The following MRPS11 variants were observed in gnomAD, a reference collection of about 807,000 sequenced individuals.
The protein encoded by MRPS11 is small ribosomal subunit protein uS11m.
Under a neutral mutation model 24.3 loss-of-function variants are expected in MRPS11, and 27 were observed. The observed-to-expected ratio is 1.11, with a 90% CI of 0.82 to 1.53. The LOEUF is 1.53. Ranked by LOEUF, MRPS11 falls within the 40% of genes most tolerant of loss-of-function variation. The pLI is 0.00. For missense variants in MRPS11, 277 were observed against 256.5 expected, an observed-to-expected ratio of 1.08 and a Z score of -0.55; for synonymous variants, 104 against 98.7, an observed-to-expected ratio of 1.05 and a Z score of -0.32.
At chr15:88,471,005 T>G (rs1211097706) in intron 2 of MRPS11, among the ~76,000 whole-genome samples, 1 of 152,180 alleles carries the variant, frequency 6.6e-6, no homozygotes, top group East Asian at 1.9e-4. Context: ...ACAGTGTCCT[T>G]CAGGGGCTAA....
rs781635088 is a variant in MRPS11 at position 88,467,710 on chromosome 15, T to C, written c.-8T>C. 1.9e-6 allele frequency: 3 copies of C among 1,614,078 alleles called. No homozygotes were observed. The highest frequency in any genetic ancestry group is 1.6e-4 in the Middle Eastern group (1 of 6,062). ...GCAGACGGAAACTGACTGGGGTCAA[T>C]TCAAGTCATGCAGGCTGTGAGAAAC... On this transcript the variant is annotated 5_prime_UTR_variant, in exon 1 of 6. Transcript: ENST00000325844.
chr15:88,473,474 G>T (rs573932272), intron 3 of MRPS11, among the ~76,000 whole-genome samples: 4 of 152,276 alleles, frequency 2.6e-5, no homozygotes, highest in East Asian at 1.9e-4. Flanking sequence ...AATGCTATAG[G>T]ATTCATTTCA....
At chr15:88,474,376 A>G (rs533479971) in intron 3 of MRPS11, among the ~76,000 whole-genome samples, 2 of 152,084 alleles carry the variant, frequency 1.3e-5, no homozygotes, top group African/African-American at 4.8e-5. Context: ...CCTGCCCAAC[A>G]TGGAGAAACC....
At chr15:88,476,045 A>G (rs1323530334) in intron 4 of MRPS11, among the ~76,000 whole-genome samples, 1 of 152,228 alleles carries the variant, frequency 6.6e-6, no homozygotes, top group Non-Finnish European at 1.5e-5. Context: ...GTGGGGACTC[A>G]TGCAATAGCA....
Position 88,477,775 on chromosome 15 carries a change from C to G in MRPS11, c.478-97C>G. The stretch of plus-strand genomic sequence containing the variant: ...GAGCATCTCACCCCTCCGTTCCCTT[C>G]TCTACGCCACCCTGTCCCTCTCCGA... On this transcript the variant is annotated intron_variant, in intron 5 of 5. Coordinates refer to ENST00000325844, the MANE Select transcript of MRPS11 (RefSeq NM_022839.5). The surrounding 1 kb of genome is among the most constrained non-coding windows in gnomAD (Gnocchi z 5.7). The G allele has an allele frequency of 1.9e-6, 2 of 1,034,742 alleles. No homozygotes were observed. Among genetic ancestry groups the G allele is most frequent in the Non-Finnish European group, 3.0e-6 (2 of 676,196 alleles). 64.1% of individuals were successfully genotyped at this position (1,034,742 alleles called of 1,614,324 possible).
In MRPS11 at chr15:88,472,665, G is replaced by C; in HGVS notation, c.221G>C (p.Arg74Thr). The C allele has an allele frequency of 6.2e-7, 1 of 1,614,098 alleles. No individual in the cohort carries two copies. Among genetic ancestry groups the C allele is most frequent in the Non-Finnish European group, 8.5e-7 (1 of 1,179,968 alleles). The change falls in exon 3 of 6, where the codon AGG becomes ACG. Residue 74 changes from arginine to threonine, a missense_variant. By Grantham distance (71) the Arg-to-Thr change is moderately conservative. Transcript: ENST00000325844. Reference protein sequence around the residue: ...PPIPGEESSLRWAGKKFEEIP... With the variant: ...PPIPGEESSLTWAGKKFEEIP... Reference sequence around the variant, plus strand: ...ATTCCAGGAGAGGAGAGCTCTCTGAGGTGGGCAGGAAAGAAATTTGAGGAG... The same window carrying C: ...ATTCCAGGAGAGGAGAGCTCTCTGACGTGGGCAGGAAAGAAATTTGAGGAG...
In MRPS11 at chr15:88,467,976, C is replaced by A; in HGVS notation, c.134C>A (p.Ala45Asp). Residue 45 changes from alanine to aspartate, a missense_variant, in exon 2 of 6, where the codon GCC becomes GAC. Physicochemically the swap from Ala to Asp is moderately radical, Grantham distance 126. Coordinates refer to ENST00000325844, the MANE Select transcript of MRPS11 (RefSeq NM_022839.5). ...TGARQLQDAA[A>D]KQKVEQNAAP... is the part of the protein sequence containing the mutation. Reference sequence around the variant, plus strand: ...GCTCGACAGCTCCAAGACGCTGCGGCCAAGCAGAAAGTTGAACAGAACGCG... The same window carrying A: ...GCTCGACAGCTCCAAGACGCTGCGGACAAGCAGAAAGTTGAACAGAACGCG... The A allele has an allele frequency of 6.2e-7, 1 of 1,611,752 alleles. No individual in the cohort carries two copies. The highest frequency in any genetic ancestry group is 2.2e-5 in the East Asian group (1 of 44,742).
chr15:88,473,964 G>A (rs553326992), intron 3 of MRPS11, among the ~76,000 whole-genome samples: 182 of 152,324 alleles, frequency 1.2e-3, no homozygotes, highest in African/African-American at 3.9e-3. Context: ...ATCACTTGAG[G>A]CCAGGAATTT....
At chr15:88,476,396 A>C (rs16941948) in intron 4 of MRPS11, among the ~76,000 whole-genome samples, 10,107 of 152,220 alleles carry the variant, frequency 0.066, 1,155 homozygotes, top group African/African-American at 0.23. Context: ...CCTTCAAACA[A>C]GGGAAGGCAC....
In MRPS11 at chr15:88,469,707, G is replaced by GA. The variant is rs1232806450; in HGVS notation, c.182+1687dup. Among the ~76,000 whole-genome samples, 1 of 152,210 alleles carries GA rather than the reference G, an allele frequency of 6.6e-6. No individual in the cohort carries two copies. Among genetic ancestry groups the GA allele is most frequent in the Non-Finnish European group, 1.5e-5 (1 of 68,046 alleles). On this transcript the variant is annotated intron_variant, in intron 2 of 5. Transcript: ENST00000325844. The surrounding 1 kb of genome is among the most constrained non-coding windows in gnomAD (Gnocchi z 4.4). ...ATTGGAGAGCAAGAATGGAAGCTGG[G>GA]AAAAGTCCTCTAAGCAGTTAGAAGA...
intron 2 of MRPS11, chr15:88,468,350 C>G (rs1239935112): frequency 8.8e-7 from 1 of 1,130,036 alleles, no homozygotes; most frequent in African/African-American, 1.6e-5. Context: ...TTCCCTGCCT[C>G]CAAAACAAAA....
intron 4 of MRPS11, among the ~76,000 whole-genome samples, chr15:88,476,330 C>T (rs926645088): frequency 6.6e-6 from 1 of 152,136 alleles, no homozygotes; most frequent in African/African-American, 2.4e-5. Context: ...TAGTACAGGC[C>T]TTACAAATGT....
intron 2 of MRPS11, chr15:88,472,394 C>G (rs1361223818): frequency 2.3e-6 from 1 of 431,402 alleles, no homozygotes. Context: ...AATCCCTTCT[C>G]ATAGCGGAAA....
intron 2 of MRPS11, among the ~76,000 whole-genome samples, chr15:88,471,941 A>AG (rs1341826415): frequency 6.6e-6 from 1 of 152,230 alleles, no homozygotes; most frequent in African/African-American, 2.4e-5. Flanking sequence ...CCACTGGTCT[A>AG]GGGTAGAGGT....
Position 88,477,221 on chromosome 15 carries a change from G to C in MRPS11, c.477+167G>C, listed in dbSNP as rs760804938. 6.6e-6 allele frequency among the ~76,000 whole-genome samples: 1 copy of C among 152,224 alleles called. No individual in the cohort carries two copies. The highest frequency in any genetic ancestry group is 6.5e-5 in the Admixed American group (1 of 15,286). ...TAATTGACCAAGCCCCTCAGAGCAA[G>C]CCTAGATCACTTAGTATAATTCATC... On this transcript the variant is annotated intron_variant, in intron 5 of 5. Coordinates refer to ENST00000325844, the MANE Select transcript of MRPS11 (RefSeq NM_022839.5). This position sits in a 1 kb window ranked among gnomAD's most constrained non-coding sequence, Gnocchi z 5.7.
Position 88,475,116 on chromosome 15 carries a change from G to C in MRPS11, c.288G>C (p.Gln96His). ...CTTCTTCTACTTTTCTCAGCACACA[G>C]ATCCAGGTAGTCTCTGCTAGTAATG... ...AHIKASHNNT[Q>H]IQVVSASNEP... Residue 96 changes from glutamine to histidine, a missense_variant, in exon 4 of 6, where the codon CAG becomes CAC. Coordinates refer to ENST00000325844, the MANE Select transcript of MRPS11 (RefSeq NM_022839.5). This position sits in a 1 kb window ranked among gnomAD's most constrained non-coding sequence, Gnocchi z 4.1. The C allele has an allele frequency of 1.2e-6, 2 of 1,614,206 alleles. No homozygotes were observed. Among genetic ancestry groups the C allele is most frequent in the Non-Finnish European group, 1.7e-6 (2 of 1,180,032 alleles).
At position 88,478,029 on chromosome 15, in the gene MRPS11, G is replaced by A; in HGVS notation, c.*50G>A. 6.8e-7 allele frequency: 1 copy of A among 1,460,958 alleles called. No homozygotes were observed. The highest frequency in any genetic ancestry group is 9.6e-7 in the Non-Finnish European group (1 of 1,041,232). The allele number at this position is 1,460,958 out of a possible 1,614,324, so 90.5% of individuals were successfully genotyped here. A position where few individuals can be genotyped will look rare whatever the true frequency, so the allele number is the denominator to read the frequency against. The stretch of plus-strand genomic sequence containing the variant: ...CTGACCTCAAGCCTCAGCTCCAGTG[G>A]GACCTTGTAAAATGCTCCCTGTCAG... On this transcript the variant is annotated 3_prime_UTR_variant, in exon 6 of 6. Coordinates refer to ENST00000325844, the MANE Select transcript of MRPS11 (RefSeq NM_022839.5). The surrounding 1 kb of genome is among the most constrained non-coding windows in gnomAD (Gnocchi z 4.7).
intron 3 of MRPS11, 96 bp downstream of exon 3, chr15:88,472,821 G>A: frequency 1.0e-6 from 1 of 997,062 alleles, no homozygotes; most frequent in South Asian, 1.4e-5. Flanking sequence ...CGGGGTAGAA[G>A]TGAGGGTGCT....
chr15:88,474,987 C>A, intron 3 of MRPS11, 123 bp from the exon 4 acceptor site: 2 of 1,163,052 alleles, frequency 1.7e-6, no homozygotes, highest in Non-Finnish European at 2.4e-6. Flanking sequence ...ATCTGAGAAG[C>A]TCAAAGTAGA....
Sources: allele counts gnomAD v4.1 joint callset (sites outside exome capture counted in the v4.1 genomes callset), GRCh38; gene constraint gnomAD v4.1.1; non-coding constraint Gnocchi (gnomAD v3.1); transcripts MANE v1.5; gene names NCBI Gene and HGNC (gene_info 2026-07-23, HGNC 2026-07-21).